RALGPS1: variants seen among roughly 807,000 people sequenced by gnomAD.
The protein encoded by RALGPS1 is Ral GEF with PH domain and SH3 binding motif 1.
In RALGPS1, 19 loss-of-function variants were observed where a neutral mutation model predicts 78.8. The ratio of observed to expected loss-of-function variants is 0.24; its 90% CI spans 0.17 to 0.35. RALGPS1 has a LOEUF of 0.35. Ranked by LOEUF, RALGPS1 falls within the 10% of genes least tolerant of loss-of-function variation. RALGPS1 has a pLI of 1.00. For missense variants in RALGPS1, 454 were observed against 688.3 expected (o/e 0.66, Z 3.81); for synonymous variants, 228 against 256.3 (o/e 0.89, Z 1.06).
chr9:127,000,548 T>G (rs1444821896), intron 4 of RALGPS1, among the ~76,000 whole-genome samples: 3 of 120,312 alleles, frequency 2.5e-5, no homozygotes, highest in Non-Finnish European at 5.3e-5. Flanking sequence ...TTTTTTTTTT[T>G]TTTTTTTTTT....
chr9:126,956,597 G>A (rs2038366251), intron 1 of RALGPS1, among the ~76,000 whole-genome samples: 2 of 152,106 alleles, frequency 1.3e-5, no homozygotes, highest in Non-Finnish European at 2.9e-5. Flanking sequence ...GCCACAGGGG[G>A]AAGATGGGCA....
At chr9:127,097,151 G>A (rs1010280296) in intron 8 of RALGPS1, among the ~76,000 whole-genome samples, 1 of 152,170 alleles carries the variant, frequency 6.6e-6, no homozygotes, top group African/African-American at 2.4e-5. Flanking sequence ...GTTCTTTGTC[G>A]AGGTGTAAAA....
intron 3 of RALGPS1, among the ~76,000 whole-genome samples, chr9:126,973,499 AAGTC>A (rs1418853677): frequency 2.0e-5 from 3 of 152,180 alleles, no homozygotes; most frequent in African/African-American, 4.8e-5. Context: ...AACTTGAAGA[AAGTC>A]AGGATAATGG....
intron 11 of RALGPS1, 92 bp from the exon 12 acceptor site, chr9:127,194,999 C>T: frequency 1.3e-6 from 2 of 1,501,798 alleles, no homozygotes; most frequent in South Asian, 1.2e-5. Flanking sequence ...TACTTCAAAC[C>T]CGGGGCCCAC....
chr9:127,002,433 C>CTT (rs11380006), intron 4 of RALGPS1, among the ~76,000 whole-genome samples: 10,697 of 117,098 alleles, frequency 0.091, 1,380 homozygotes, highest in African/African-American at 0.28. Flanking sequence ...CACAAACATT[C>CTT]TTTTTTTTTT....
intron 7 of RALGPS1, among the ~76,000 whole-genome samples, chr9:127,054,956 T>G (rs2048588499): frequency 6.7e-6 from 1 of 148,620 alleles, no homozygotes; most frequent in Admixed American, 6.8e-5. Context: ...CCAGGTTGGG[T>G]GACAAAGACC....
At chr9:127,048,264 C>T (rs574342160) in intron 5 of RALGPS1, among the ~76,000 whole-genome samples, 5 of 152,142 alleles carry the variant, frequency 3.3e-5, no homozygotes, top group East Asian at 3.9e-4. Flanking sequence ...CCTATCCAGC[C>T]GTCCCTGGTC....
At chr9:126,958,139 A>ATT (rs1354647464) in intron 1 of RALGPS1, among the ~76,000 whole-genome samples, 2 of 93,970 alleles carry the variant, frequency 2.1e-5, no homozygotes, top group African/African-American at 6.1e-5. Flanking sequence ...AAAAAAAAAA[A>ATT]AAAATATATA....
In RALGPS1 at chr9:127,078,333, G is replaced by A. The variant is rs115826621; in HGVS notation, c.610+8977G>A. On this transcript the variant is annotated intron_variant, in intron 8 of 18. Transcript: ENST00000259351. ...TTCACATTTTTTCTGGGACTCTGTAGTCTTTCTCATTTGTTACAAAAGGCC... is the reference window on the plus strand; with the variant it reads ...TTCACATTTTTTCTGGGACTCTGTAATCTTTCTCATTTGTTACAAAAGGCC... Among the ~76,000 whole-genome samples, 1,002 of 152,180 alleles carry A rather than the reference G, an allele frequency of 6.6e-3. 13 individuals carry two copies. The highest frequency in any genetic ancestry group is 0.023 in the African/African-American group (959 of 41,514).
At chr9:126,929,890 GA>G (rs2035639956) in intron 1 of RALGPS1, among the ~76,000 whole-genome samples, 1 of 152,148 alleles carries the variant, frequency 6.6e-6, no homozygotes, top group Non-Finnish European at 1.5e-5. Flanking sequence ...GCCCAGGCTG[GA>G]GTGCAGTAGT....
intron 8 of RALGPS1, among the ~76,000 whole-genome samples, chr9:127,081,219 AC>A (rs2051135481): frequency 7.3e-6 from 1 of 136,604 alleles, no homozygotes; most frequent in African/African-American, 2.5e-5. Context: ...AATGATAGGC[AC>A]AAAATGGCAT....
chr9:127,024,800 G>A (rs528588480), intron 4 of RALGPS1, among the ~76,000 whole-genome samples: 1 of 152,264 alleles, frequency 6.6e-6, no homozygotes, highest in Non-Finnish European at 1.5e-5. Flanking sequence ...CCCTTCAGCA[G>A]CACTTTGTCC....
rs1339521784 is a variant in RALGPS1 at position 126,944,019 on chromosome 9, T to A, written c.-65-18206T>A. Among the ~76,000 whole-genome samples the A allele has an allele frequency of 3.9e-5, 6 of 152,184 alleles. No individual in the cohort carries two copies. The South Asian group carries it at 1.2e-3, about 31-fold the overall frequency. On this transcript the variant is annotated intron_variant, in intron 1 of 18. Coordinates refer to ENST00000259351, the MANE Select transcript of RALGPS1 (RefSeq NM_014636.3). ...AGCCTGGCACCCTAACACAGGACCC[T>A]CTGGTCAAAGCTGGGTTGGAGCAGG...
chr9:127,069,997 T>A (rs1440552916), intron 8 of RALGPS1: 1 of 152,212 alleles, frequency 6.6e-6, no homozygotes. Flanking sequence ...GAATCTGCTC[T>A]CCAATATTGA....
At chr9:127,002,608 C>G (rs559411624) in intron 4 of RALGPS1, among the ~76,000 whole-genome samples, 1 of 120,820 alleles carries the variant, frequency 8.3e-6, no homozygotes, top group East Asian at 2.8e-4. Context: ...CCCCCCACCC[C>G]ACCACAGTCC....
intron 4 of RALGPS1, among the ~76,000 whole-genome samples, chr9:126,991,205 G>A (rs995437895): frequency 3.9e-5 from 6 of 152,144 alleles, no homozygotes; most frequent in Non-Finnish European, 8.8e-5. Context: ...AGTAGAAAAG[G>A]AATTCCCCAA....
At chr9:127,045,254 T>G (rs2047652303) in intron 5 of RALGPS1, among the ~76,000 whole-genome samples, 1 of 152,202 alleles carries the variant, frequency 6.6e-6, no homozygotes. Context: ...ACGTATAATA[T>G]TACAAAATGT....
At position 127,183,821 on chromosome 9, in the gene RALGPS1, G is replaced by C. The variant is rs1418746699; in HGVS notation, c.910+9039G>C. On this transcript the variant is annotated intron_variant, in intron 11 of 18. Transcript: ENST00000259351. The surrounding 1 kb of genome is among the most constrained non-coding windows in gnomAD (Gnocchi z 4.0). ...TGAGGACCTCAGGGATAGGAGGCCA[G>C]TTGTGGCCCATTACTCTGGGATTTC... is the stretch of plus-strand genomic sequence containing the variant. 1.3e-6 allele frequency: 2 copies of C among 1,510,428 alleles called. No homozygotes were observed. Among genetic ancestry groups the C allele is most frequent in the Non-Finnish European group, 8.9e-7 (1 of 1,124,398 alleles). 93.6% of individuals were successfully genotyped at this position (1,510,428 alleles called of 1,614,324 possible).
At chr9:127,030,479 G>A (rs907495297) in intron 4 of RALGPS1, among the ~76,000 whole-genome samples, 4 of 152,070 alleles carry the variant, frequency 2.6e-5, no homozygotes, top group Non-Finnish European at 5.9e-5. Context: ...GTGAAGGGGC[G>A]CTAATTTCCT....
Sources: gnomAD v4.1 joint callset for allele counts (sites outside exome capture counted in the v4.1 genomes callset) on GRCh38, gnomAD v4.1.1 for gene constraint, Gnocchi (gnomAD v3.1) non-coding constraint, MANE v1.5 for transcripts, NCBI Gene and HGNC (gene_info 2026-07-23, HGNC 2026-07-21) for gene names.